The following ARHGEF17 variants were observed in gnomAD, a reference collection of about 807,000 sequenced individuals.
The protein encoded by ARHGEF17 is 164 kDa Rho-specific guanine-nucleotide exchange factor.
Under a neutral mutation model 174.0 loss-of-function variants are expected in ARHGEF17, and 80 were observed. The ratio of observed to expected loss-of-function variants is 0.46; its 90% CI spans 0.38 to 0.55. The LOEUF is 0.55. Ranked by LOEUF, ARHGEF17 falls within the 20% of genes least tolerant of loss-of-function variation. The pLI is 0.00. For synonymous variants in ARHGEF17, 1,311 were observed against 1,189.1 expected (o/e 1.10, Z -2.11); for missense variants, 2,886 against 2,839.7 (o/e 1.02, Z -0.37).
In ARHGEF17 at chr11:73,362,195, C is replaced by T. The variant is rs924315471; in HGVS notation, c.4650C>T (p.Ile1550=). The T allele has an allele frequency of 1.7e-5, 26 of 1,572,876 alleles. No homozygotes were observed. The highest frequency in any genetic ancestry group is 1.9e-5 in the Non-Finnish European group (22 of 1,163,602). Residue 1550 remains isoleucine, a synonymous_variant, in exon 13 of 21, where the codon ATC becomes ATT. Transcript: ENST00000263674. The stretch of plus-strand genomic sequence containing the variant: ...GCATCGCCGTCTGTTCCGCCCGCAT[C>T]CTCTGCATCGGGGCGGTGCCCGGGC... ...EACIAVCSAR[I]LCIGAVPGLQ...
intron 1 of ARHGEF17, among the ~76,000 whole-genome samples, chr11:73,319,354 G>T (rs190950001): frequency 6.6e-6 from 1 of 151,988 alleles, no homozygotes; most frequent in Admixed American, 6.5e-5. Flanking sequence ...GAGCCACTGC[G>T]CCCGGCCTCC....
chr11:73,341,604 G>A (rs1591743215), intron 1 of ARHGEF17, among the ~76,000 whole-genome samples: 1 of 152,144 alleles, frequency 6.6e-6, no homozygotes, highest in Non-Finnish European at 1.5e-5. Context: ...GAGCTACCGC[G>A]CCCGCCCGAA....
In ARHGEF17 at chr11:73,309,920, C is replaced by A. The variant is rs141928433; in HGVS notation, c.1282C>A (p.Leu428Met). The change falls in exon 1 of 21, where the codon CTG (leucine) becomes ATG (methionine). Residue 428 changes from leucine to methionine, a missense_variant. Physicochemically the swap from Leu to Met is conservative, Grantham distance 15. This residue lies in a region of ARHGEF17 where 1,728 missense variants were observed against 1,461.2 expected (regional missense o/e 1.18). Coordinates refer to ENST00000263674, the MANE Select transcript of ARHGEF17 (RefSeq NM_014786.4). ...SPSFGAGEGLLRSQARTRAKG... is the reference protein window; with the variant it reads ...SPSFGAGEGLMRSQARTRAKG... The stretch of plus-strand genomic sequence containing the variant: ...TAGCTTTGGAGCTGGGGAAGGGCTC[C>A]TGCGGTCCCAGGCTCGAACCCGTGC... 3,242 of 1,613,382 alleles carry A rather than the reference C, an allele frequency of 2.0e-3. 12 individuals are homozygous for A. The highest frequency in any genetic ancestry group is 2.9e-3 in the South Asian group (261 of 91,082).
intron 12 of ARHGEF17, 77 bp downstream of exon 12, chr11:73,361,238 G>A: frequency 7.4e-7 from 1 of 1,348,720 alleles, no homozygotes; most frequent in Non-Finnish European, 1.1e-6. Flanking sequence ...GTACGACATT[G>A]TGTATATGCC....
At chr11:73,357,974 C>T (rs555591774) in intron 9 of ARHGEF17, among the ~76,000 whole-genome samples, 1 of 152,312 alleles carries the variant, frequency 6.6e-6, no homozygotes, top group South Asian at 2.1e-4. Context: ...TTTGCTCGGC[C>T]CCTTGGTGAA....
chr11:73,324,450 A>G (rs1373338147), intron 1 of ARHGEF17, among the ~76,000 whole-genome samples: 6 of 152,128 alleles, frequency 3.9e-5, no homozygotes, highest in African/African-American at 1.2e-4. Flanking sequence ...GCCTAGCCCT[A>G]TGTTGCTGCT....
intron 1 of ARHGEF17, among the ~76,000 whole-genome samples, chr11:73,342,149 TC>T (rs1206245719): frequency 1.3e-5 from 1 of 78,746 alleles, no homozygotes; most frequent in Non-Finnish European, 2.4e-5. Context: ...GGGAGCACAG[TC>T]TAGGGGTGGG....
At position 73,365,579 on chromosome 11, in the gene ARHGEF17, C is replaced by T; in HGVS notation, c.5725+15C>T. 6.2e-7 allele frequency: 1 copy of T among 1,613,606 alleles called. No individual in the cohort carries two copies. The highest frequency in any genetic ancestry group is 2.2e-5 in the East Asian group (1 of 44,866). ...GATGCTGGCAGGTACTGACCTCAAA[C>T]TACCACAGCACCCTCCTTGGAGCCT... On this transcript the variant is annotated intron_variant, in intron 19 of 20. Coordinates refer to ENST00000263674, the MANE Select transcript of ARHGEF17 (RefSeq NM_014786.4). This position sits in a 1 kb window ranked among gnomAD's most constrained non-coding sequence, Gnocchi z 4.9.
At chr11:73,321,492 G>T (rs1271865895) in intron 1 of ARHGEF17, among the ~76,000 whole-genome samples, 2 of 152,208 alleles carry the variant, frequency 1.3e-5, no homozygotes, top group African/African-American at 2.4e-5. Context: ...ACCCCTTGCC[G>T]GGTGATATTA....
chr11:73,349,508 C>G (rs930755345), intron 2 of ARHGEF17, among the ~76,000 whole-genome samples: 1 of 152,114 alleles, frequency 6.6e-6, no homozygotes, highest in African/African-American at 2.4e-5. Flanking sequence ...CCCAGCTCCT[C>G]CAGAGGCTGA....
intron 13 of ARHGEF17, 33 bp downstream of exon 13, chr11:73,362,272 C>T (rs1395913177): frequency 3.4e-6 from 5 of 1,479,830 alleles, no homozygotes; most frequent in Admixed American, 2.3e-5. Flanking sequence ...GGCGGCACCG[C>T]GGGCCTGGGA....
At chr11:73,323,997 C>G (rs1363159878) in intron 1 of ARHGEF17, among the ~76,000 whole-genome samples, 1 of 152,226 alleles carries the variant, frequency 6.6e-6, no homozygotes, top group Non-Finnish European at 1.5e-5. Flanking sequence ...TGCTCCTCTT[C>G]CTGTCTCTCA....
At chr11:73,352,759 A>C in intron 2 of ARHGEF17, 71 bp from the exon 3 acceptor site, 2 of 1,555,332 alleles carry the variant, frequency 1.3e-6, no homozygotes, top group Non-Finnish European at 1.8e-6. Flanking sequence ...GCACTCACAC[A>C]GGGGCCCTGT....
At chr11:73,338,220 T>G (rs1039477703) in intron 1 of ARHGEF17, among the ~76,000 whole-genome samples, 1 of 152,154 alleles carries the variant, frequency 6.6e-6, no homozygotes, top group East Asian at 1.9e-4. Flanking sequence ...GACAGAGTCC[T>G]CAAGCAGGAA....
chr11:73,355,850 A>G lies in ARHGEF17; in HGVS notation c.3571-11A>G, dbSNP rs746433768. On this transcript the variant is annotated splice_polypyrimidine_tract_variant and intron_variant, in intron 4 of 20. Coordinates refer to ENST00000263674, the MANE Select transcript of ARHGEF17 (RefSeq NM_014786.4). The stretch of plus-strand genomic sequence containing the variant: ...GTCATTCCTCACATGATGCCCATCC[A>G]TGGGTTTCAGCAAAGCATGCGTGAG... 5.0e-6 allele frequency: 8 copies of G among 1,614,028 alleles called. No homozygotes were observed. Among genetic ancestry groups the G allele is most frequent in the South Asian group, 3.3e-5 (3 of 91,090 alleles).
intron 1 of ARHGEF17, among the ~76,000 whole-genome samples, chr11:73,323,641 C>G (rs1166988132): frequency 6.6e-6 from 1 of 152,242 alleles, no homozygotes. Flanking sequence ...GGCCCCTCCT[C>G]CCCTCTGGCC....
At chr11:73,362,372 TCCA>T (rs1865757360) in intron 13 of ARHGEF17, 58 bp from the exon 14 acceptor site, 1 of 1,464,288 alleles carries the variant, frequency 6.8e-7, no homozygotes, top group South Asian at 1.4e-5. Context: ...GGTGGGCGTG[TCCA>T]CCACCGGGGC....
chr11:73,309,654 A>T lies in ARHGEF17; in HGVS notation c.1016A>T (p.Glu339Val), dbSNP rs745917929. 1.2e-6 allele frequency: 2 copies of T among 1,612,924 alleles called. No individual in the cohort carries two copies. The highest frequency in any genetic ancestry group is 1.7e-6 in the Non-Finnish European group (2 of 1,180,014). The stretch of plus-strand genomic sequence containing the variant: ...ACATCTCCAAGAGCCCCTAGAGAAG[A>T]AGGACTCCGGGAGTGGGGTAGTGGC... ...PPTSPRAPRE[E>V]GLREWGSGSP... is the part of the protein sequence containing the mutation. Residue 339 changes from glutamate (E) to valine (V), a missense_variant, in exon 1 of 21, where the codon GAA (glutamate) becomes GTA (valine). Transcript: ENST00000263674.
chr11:73,351,982 A>G (rs563527077), intron 2 of ARHGEF17, among the ~76,000 whole-genome samples: 32 of 152,280 alleles, frequency 2.1e-4, no homozygotes, highest in South Asian at 1.0e-3. Flanking sequence ...GGTTCATTCT[A>G]TAATTGGTAG....
Sources: allele counts gnomAD v4.1 joint callset (sites outside exome capture counted in the v4.1 genomes callset), GRCh38; gene constraint gnomAD v4.1.1; regional missense constraint gnomAD v4.1.1; non-coding constraint Gnocchi (gnomAD v3.1); transcripts MANE v1.5; gene names NCBI Gene and HGNC (gene_info 2026-07-23, HGNC 2026-07-21).